Variants in TPO observed in about 807,000 individuals in gnomAD.
TPO encodes thyroid peroxidase.
Under a neutral mutation model 96.9 loss-of-function variants are expected in TPO, and 78 were observed. That is an observed-to-expected ratio of 0.81 (90% CI 0.67 to 0.97). TPO has a LOEUF of 0.97. Among genes scored for constraint, TPO ranks in the 50% least tolerant of loss-of-function variants. The probability of loss-of-function intolerance (pLI) is 0.00; values close to 1 mark genes in which losing one functional copy is unlikely to be tolerated. For synonymous variants in TPO, 547 were observed against 538.0 expected (o/e 1.02, Z -0.23); for missense variants, 1,252 against 1,274.8 (o/e 0.98, Z 0.27).
chr2:1,535,468 CAG>C, intron 15 of TPO, among the ~76,000 whole-genome samples: 3 of 84,006 alleles, frequency 3.6e-5, no homozygotes, highest in African/African-American at 4.2e-5. Context: ...CTCCCCAAAT[CAG>C]CCCCACTCCG....
chr2:1,454,136 A>G (rs1247255507), intron 6 of TPO, among the ~76,000 whole-genome samples: 1 of 151,860 alleles, frequency 6.6e-6, no homozygotes, highest in African/African-American at 2.4e-5. Context: ...CATGTGGGCT[A>G]GGTACATCCC....
intron 3 of TPO, among the ~76,000 whole-genome samples, chr2:1,423,513 T>C (rs1415103967): frequency 6.6e-6 from 1 of 152,158 alleles, no homozygotes; most frequent in Non-Finnish European, 1.5e-5. Flanking sequence ...ACCTGTGGCA[T>C]AGAATAAAGA....
intron 1 of TPO, among the ~76,000 whole-genome samples, chr2:1,375,357 A>G (rs945002942): frequency 4.6e-5 from 7 of 152,126 alleles, no homozygotes; most frequent in African/African-American, 1.7e-4. Flanking sequence ...TCAGTCAATT[A>G]GAAGTTTATG....
intron 16 of TPO, chr2:1,541,665 T>TCTAA (rs1018556477): frequency 1.3e-5 from 2 of 152,324 alleles, no homozygotes; most frequent in African/African-American, 4.8e-5. Flanking sequence ...TTTTAAATGT[T>TCTAA]CTAACTGCCA....
At chr2:1,439,026 T>C (rs1244804903) in intron 5 of TPO, 3 of 563,830 alleles carry the variant, frequency 5.3e-6, no homozygotes, top group Admixed American at 6.1e-5. Context: ...TCATAAATCA[T>C]GATCACTCAA....
chr2:1,413,304 T>C (rs1662553084), upstream of TPO, among the ~76,000 whole-genome samples: 1 of 152,160 alleles, frequency 6.6e-6, no homozygotes. Context: ...TGGCACTTTG[T>C]TTCTGACCAG....
intron 15 of TPO, among the ~76,000 whole-genome samples, chr2:1,531,407 TTCAACCTCCCCAAATCCCTCCCACTGTGA>T (rs1678207784): frequency 4.3e-5 from 2 of 46,874 alleles, no homozygotes; most frequent in Non-Finnish European, 6.6e-5. Context: ...CCCCACTGTG[TTCAACCTCCCCAAATCCCTCCCACTGTGA>T]GCAACCTCCC....
chr2:1,537,474 ATTCT>A (rs1197952782), intron 15 of TPO, among the ~76,000 whole-genome samples: 243 of 116,114 alleles, frequency 2.1e-3, no homozygotes, highest in Middle Eastern at 4.5e-3. Flanking sequence ...ACCTCCTCAA[ATTCT>A]TCCACTCTGT....
intron 15 of TPO, among the ~76,000 whole-genome samples, chr2:1,534,825 A>T (rs1679194211): frequency 9.5e-6 from 1 of 104,978 alleles, no homozygotes; most frequent in Non-Finnish European, 1.9e-5. Flanking sequence ...ACTGTGTGCA[A>T]CCTCAAGTCC....
chr2:1,435,250 G>A lies in TPO; in HGVS notation c.350-1002G>A, dbSNP rs190889056. On this transcript the variant is annotated intron_variant, in intron 4 of 16. Transcript: ENST00000329066. ...ACCCGGCCAATGGTTCTTTTCTATC[G>A]CACATGATTTGTTGTCTGCAAGCAC... Among the ~76,000 whole-genome samples the A allele has an allele frequency of 7.2e-4, 109 of 152,224 alleles. No homozygotes were observed. In the Middle Eastern group the frequency reaches 0.014, roughly 19 times the overall value.
At chr2:1,464,920 T>C (rs938813252) in intron 7 of TPO, among the ~76,000 whole-genome samples, 1 of 152,184 alleles carries the variant, frequency 6.6e-6, no homozygotes, top group African/African-American at 2.4e-5. Flanking sequence ...CCCAACTATT[T>C]ATCTTTCTTT....
At chr2:1,428,353 C>T (rs1664640020) in intron 3 of TPO, among the ~76,000 whole-genome samples, 1 of 152,182 alleles carries the variant, frequency 6.6e-6, no homozygotes, top group South Asian at 2.1e-4. Flanking sequence ...CTGAGCTCCC[C>T]ACAGGCTGGG....
chr2:1,433,753 G>A (rs113151113), intron 4 of TPO, 146 bp downstream of exon 4: 2 of 931,124 alleles, frequency 2.1e-6, no homozygotes, highest in Non-Finnish European at 3.3e-6. Flanking sequence ...CATACAAGCT[G>A]CAATTTTTAA....
intron 7 of TPO, among the ~76,000 whole-genome samples, chr2:1,476,869 T>C (rs1270493411): frequency 6.9e-6 from 1 of 145,192 alleles, no homozygotes; most frequent in African/African-American, 2.6e-5. Flanking sequence ...GGTGGGGGGC[T>C]GGCTGGACCA....
chr2:1,508,346 C>CT, intron 14 of TPO, among the ~76,000 whole-genome samples: 1 of 152,192 alleles, frequency 6.6e-6, no homozygotes, highest in South Asian at 2.1e-4. Flanking sequence ...CTAAAATTCT[C>CT]TTTTTTGGTT....
intron 8 of TPO, among the ~76,000 whole-genome samples, chr2:1,483,552 CGTT>C (rs1275961589): frequency 2.0e-5 from 3 of 152,214 alleles, no homozygotes; most frequent in South Asian, 2.1e-4. Context: ...GGTTCAGAAA[CGTT>C]GCCACATAAA....
At chr2:1,413,778 C>T in intron 1 of TPO, 1 of 979,494 alleles carries the variant, frequency 1.0e-6, no homozygotes, top group Non-Finnish European at 1.2e-6. Flanking sequence ...ACATTCCTGT[C>T]AGCATGGACT....
chr2:1,380,678 G>A (rs1661796909), intron 1 of TPO, among the ~76,000 whole-genome samples: 1 of 152,120 alleles, frequency 6.6e-6, no homozygotes, highest in South Asian at 2.1e-4. Context: ...TCATTCAATG[G>A]GCTAGATGTT....
chr2:1,491,967 G>A (rs1052484699), intron 10 of TPO, among the ~76,000 whole-genome samples: 7 of 152,132 alleles, frequency 4.6e-5, no homozygotes, highest in South Asian at 2.1e-4. Context: ...AGCTTCTCAC[G>A]GGGGCTCGGG....
Sources: allele counts gnomAD v4.1 joint callset (sites outside exome capture counted in the v4.1 genomes callset), GRCh38; gene constraint gnomAD v4.1.1; transcripts MANE v1.5; gene names NCBI Gene and HGNC (gene_info 2026-07-23, HGNC 2026-07-21).